The following AKAP19 variants were observed in gnomAD, a reference collection of about 807,000 sequenced individuals.
The protein encoded by AKAP19 is small A-kinase anchoring protein.
chr2:190,144,899 C>G, the AKAP19 span, among the ~76,000 whole-genome samples: 1 of 152,118 alleles, frequency 6.6e-6, no homozygotes, highest in Non-Finnish European at 1.5e-5. Flanking sequence ...ATCACTTGAA[C>G]CCGGGAGGTG....
At chr2:189,902,030 T>C in the AKAP19 span, among the ~76,000 whole-genome samples, 2 of 152,090 alleles carry the variant, frequency 1.3e-5, no homozygotes, top group African/African-American at 4.8e-5. Context: ...ATTACTGTTA[T>C]TTATTTTTAT....
chr2:190,022,465 G>A, the AKAP19 span, among the ~76,000 whole-genome samples: 2 of 152,008 alleles, frequency 1.3e-5, no homozygotes, highest in African/African-American at 2.4e-5. Context: ...AATTACTCTT[G>A]CCCATTCTCT....
At chr2:190,172,528 AT>A in the AKAP19 span, among the ~76,000 whole-genome samples, 1 of 152,222 alleles carries the variant, frequency 6.6e-6, no homozygotes, top group African/African-American at 2.4e-5. Flanking sequence ...ACAACCCATC[AT>A]TTTTTCAAAT....
At chr2:189,926,059 ACTTTTT>A in the AKAP19 span, among the ~76,000 whole-genome samples, 2 of 152,344 alleles carry the variant, frequency 1.3e-5, no homozygotes, top group African/African-American at 2.4e-5. Context: ...TAATCTAGAT[ACTTTTT>A]CTTTAGTTTC....
chr2:190,171,566 C>CTA, the AKAP19 span, among the ~76,000 whole-genome samples: 1 of 152,180 alleles, frequency 6.6e-6, no homozygotes, highest in East Asian at 1.9e-4. Context: ...CCTTACCTTG[C>CTA]TTTACTGAGC....
At chr2:189,914,414 ATTTG>A in the AKAP19 span, among the ~76,000 whole-genome samples, 8 of 152,110 alleles carry the variant, frequency 5.3e-5, no homozygotes, top group East Asian at 9.6e-4. Flanking sequence ...TAAAAATTTT[ATTTG>A]TTTATTTTTC....
the AKAP19 span, among the ~76,000 whole-genome samples, chr2:190,075,113 C>T: frequency 2.0e-5 from 3 of 152,078 alleles, no homozygotes; most frequent in African/African-American, 7.2e-5. Context: ...ACACACAATA[C>T]AAAATATTTC....
At chr2:190,058,987 C>T in the AKAP19 span, among the ~76,000 whole-genome samples, 1 of 151,252 alleles carries the variant, frequency 6.6e-6, no homozygotes, top group Non-Finnish European at 1.5e-5. Flanking sequence ...TGAAGTAAAA[C>T]ATGTGTGTGT....
At chr2:190,177,200 T>A in the AKAP19 span, among the ~76,000 whole-genome samples, 7 of 152,332 alleles carry the variant, frequency 4.6e-5, no homozygotes, top group African/African-American at 1.7e-4. The surrounding 1 kb of genome is among the most constrained non-coding windows in gnomAD (Gnocchi z 4.6). Flanking sequence ...TGGCTTTGGC[T>A]TCTTATTTTG....
the AKAP19 span, among the ~76,000 whole-genome samples, chr2:190,145,979 CTT>C: frequency 4.3e-4 from 63 of 145,942 alleles, no homozygotes; most frequent in East Asian, 2.8e-3. Context: ...TTCCATTTTT[CTT>C]TTTTTTTTTA....
chr2:189,983,407 G>C, the AKAP19 span, among the ~76,000 whole-genome samples: 1 of 152,144 alleles, frequency 6.6e-6, no homozygotes, highest in Non-Finnish European at 1.5e-5. Flanking sequence ...ACCATTTGTG[G>C]AAGCCTAAGC....
At chr2:190,062,843 C>A in the AKAP19 span, 1 of 442,104 alleles carries the variant, frequency 2.3e-6, no homozygotes, top group Non-Finnish European at 4.0e-6. Context: ...AGGTTAAAAC[C>A]CTGTCTGTCC....
the AKAP19 span, among the ~76,000 whole-genome samples, chr2:190,091,956 C>T: frequency 6.6e-6 from 1 of 151,944 alleles, no homozygotes; most frequent in African/African-American, 2.4e-5. Flanking sequence ...AGTAAATAAA[C>T]AAATTGACTG....
chr2:190,070,665 T>C, the AKAP19 span, among the ~76,000 whole-genome samples: 1 of 144,302 alleles, frequency 6.9e-6, no homozygotes, highest in Non-Finnish European at 1.5e-5. Flanking sequence ...GAATAAAATA[T>C]GTAAGTAAGA....
chr2:190,144,191 A>AG, the AKAP19 span, among the ~76,000 whole-genome samples: 2 of 150,540 alleles, frequency 1.3e-5, no homozygotes, highest in South Asian at 2.1e-4. Context: ...GAAAAGAAAA[A>AG]AAATATTAAT....
At chr2:190,183,799 T>C in the AKAP19 span, among the ~76,000 whole-genome samples, 1 of 151,848 alleles carries the variant, frequency 6.6e-6, no homozygotes, top group Admixed American at 6.6e-5. Flanking sequence ...AGGCATGGAC[T>C]ATTTTAAAAT....
chr2:189,916,511 G>T, the AKAP19 span, among the ~76,000 whole-genome samples: 1 of 151,634 alleles, frequency 6.6e-6, no homozygotes. Flanking sequence ...TAGTAGAGAT[G>T]GGGTTTCACT....
At chr2:190,114,268 A>G in the AKAP19 span, among the ~76,000 whole-genome samples, 34 of 152,322 alleles carry the variant, frequency 2.2e-4, no homozygotes, top group African/African-American at 7.9e-4. Context: ...AGACAATAAG[A>G]AAGTCTAATT....
chr2:189,893,972 G>A, the AKAP19 span, among the ~76,000 whole-genome samples: 3 of 152,114 alleles, frequency 2.0e-5, 1 homozygote, highest in Non-Finnish European at 1.5e-5. Flanking sequence ...GGCATTACGG[G>A]TGACTCAATT....
Sources: allele counts gnomAD v4.1 joint callset (sites outside exome capture counted in the v4.1 genomes callset), GRCh38; gene constraint gnomAD v4.1.1; non-coding constraint Gnocchi (gnomAD v3.1); transcripts MANE v1.5; gene names NCBI Gene and HGNC (gene_info 2026-07-23, HGNC 2026-07-21).